The following CEP112 variants were observed in gnomAD, a reference collection of about 807,000 sequenced individuals.
The protein encoded by CEP112 is centrosomal protein 112.
In CEP112, 127 loss-of-function variants were observed where a neutral mutation model predicts 153.0. The observed-to-expected ratio is 0.83, with a 90% CI of 0.72 to 0.96. CEP112 has a LOEUF of 0.96. CEP112 is among the 40% of genes least tolerant of loss of function. CEP112 has a pLI of 0.00. For synonymous variants in CEP112, 358 were observed against 374.4 expected (o/e 0.96, Z 0.51); for missense variants, 1,089 against 1,101.2 (o/e 0.99, Z 0.16).
At chr17:65,848,437 A>G (rs1236535215) in intron 21 of CEP112, among the ~76,000 whole-genome samples, 1 of 151,988 alleles carries the variant, frequency 6.6e-6, no homozygotes, top group Non-Finnish European at 1.5e-5. Context: ...ATAAAAATGC[A>G]TTCTTCTCAT....
chr17:66,146,432 A>G (rs2070920694), intron 4 of CEP112, among the ~76,000 whole-genome samples: 1 of 152,246 alleles, frequency 6.6e-6, no homozygotes, highest in South Asian at 2.1e-4. Context: ...TAACATCTGT[A>G]GGATCTGTGT....
intron 6 of CEP112, among the ~76,000 whole-genome samples, chr17:66,102,661 G>A (rs563312527): frequency 2.4e-4 from 37 of 151,792 alleles, no homozygotes; most frequent in African/African-American, 8.9e-4. Flanking sequence ...AGTCGGGTGT[G>A]GTGGCGGGCA....
chr17:66,187,280 A>C (rs1408395690), intron 1 of CEP112, among the ~76,000 whole-genome samples: 1 of 151,944 alleles, frequency 6.6e-6, no homozygotes, highest in African/African-American at 2.4e-5. Flanking sequence ...CCTGTTTAAA[A>C]ATCTCCCCTC....
intron 21 of CEP112, among the ~76,000 whole-genome samples, chr17:65,821,483 C>CA (rs1568066334): frequency 8.8e-6 from 1 of 113,818 alleles, no homozygotes; most frequent in Non-Finnish European, 1.7e-5. Flanking sequence ...AATTATTAAA[C>CA]TTATATATAT....
intron 4 of CEP112, among the ~76,000 whole-genome samples, chr17:66,149,842 C>T (rs2071090558): frequency 2.7e-5 from 3 of 110,292 alleles, no homozygotes; most frequent in Admixed American, 9.2e-5. Context: ...TGTTCTTTTT[C>T]TAGTTCCTTA....
chr17:66,080,807 A>G (rs2067685275), intron 8 of CEP112, among the ~76,000 whole-genome samples: 1 of 152,252 alleles, frequency 6.6e-6, no homozygotes, highest in African/African-American at 2.4e-5. Context: ...TGTGGCACAT[A>G]TACACCATGG....
chr17:65,947,328 C>T (rs1340196334), intron 18 of CEP112, among the ~76,000 whole-genome samples: 1 of 152,040 alleles, frequency 6.6e-6, no homozygotes, highest in East Asian at 1.9e-4. Flanking sequence ...CCAGAATCTA[C>T]AACAGTAGCT....
chr17:65,693,788 C>T (rs1242755217), intron 23 of CEP112, among the ~76,000 whole-genome samples: 1 of 152,126 alleles, frequency 6.6e-6, no homozygotes, highest in African/African-American at 2.4e-5. Context: ...AATCTTAACC[C>T]CCAAGGTTAT....
intron 21 of CEP112, among the ~76,000 whole-genome samples, chr17:65,818,845 T>A (rs1006881563): frequency 6.6e-6 from 1 of 151,910 alleles, no homozygotes; most frequent in Non-Finnish European, 1.5e-5. Flanking sequence ...CTTCTGGTGT[T>A]CAGATTGACT....
At chr17:66,099,407 G>A (rs2068471832) in intron 6 of CEP112, among the ~76,000 whole-genome samples, 1 of 151,634 alleles carries the variant, frequency 6.6e-6, no homozygotes, top group Non-Finnish European at 1.5e-5. Context: ...AGGAGGCTGA[G>A]GCAGGAGAAC....
At chr17:65,904,950 A>G (rs943673499) in intron 19 of CEP112, among the ~76,000 whole-genome samples, 4 of 152,178 alleles carry the variant, frequency 2.6e-5, no homozygotes, top group African/African-American at 9.7e-5. Flanking sequence ...ACAAAAATTA[A>G]CTCAAGATGG....
chr17:66,024,538 C>A, intron 16 of CEP112, among the ~76,000 whole-genome samples: 1 of 150,822 alleles, frequency 6.6e-6, no homozygotes, highest in Non-Finnish European at 1.5e-5. Context: ...AGCTGAGAAC[C>A]AAATCAAGAA....
intron 24 of CEP112, among the ~76,000 whole-genome samples, chr17:65,653,650 G>A (rs1376406052): frequency 1.3e-5 from 2 of 152,212 alleles, no homozygotes; most frequent in African/African-American, 4.8e-5. Flanking sequence ...GGCTTGCTGG[G>A]AGGGATCAGA....
chr17:66,026,697 T>C (rs757650582), intron 16 of CEP112, among the ~76,000 whole-genome samples: 1 of 152,204 alleles, frequency 6.6e-6, no homozygotes, highest in Non-Finnish European at 1.5e-5. Context: ...TAAAATGGTG[T>C]AGTATTTGCA....
intron 17 of CEP112, among the ~76,000 whole-genome samples, chr17:65,998,018 G>GA (rs1248948961): frequency 6.6e-6 from 1 of 152,008 alleles, no homozygotes; most frequent in Admixed American, 6.5e-5. Flanking sequence ...GATCTTGTCA[G>GA]AAAAAAACAA....
chr17:65,859,736 C>A (rs948311344), intron 20 of CEP112, among the ~76,000 whole-genome samples: 1 of 149,582 alleles, frequency 6.7e-6, no homozygotes, highest in Admixed American at 6.6e-5. Context: ...GGGCCAGGTG[C>A]GGTGGCTCAT....
At chr17:65,661,978 A>T (rs924776427) in intron 24 of CEP112, among the ~76,000 whole-genome samples, 12 of 151,618 alleles carry the variant, frequency 7.9e-5, no homozygotes, top group South Asian at 2.1e-4. Flanking sequence ...TTATTAAAAA[A>T]TTTTTTTTGA....
At chr17:66,108,386 AT>A (rs1416564509) in intron 6 of CEP112, among the ~76,000 whole-genome samples, 2 of 152,064 alleles carry the variant, frequency 1.3e-5, no homozygotes, top group African/African-American at 4.8e-5. Context: ...GGGAGAAAAT[AT>A]TTGCAAAGGA....
chr17:65,679,041 A>G (rs1292752874), intron 24 of CEP112, among the ~76,000 whole-genome samples: 1 of 151,060 alleles, frequency 6.6e-6, no homozygotes, highest in Non-Finnish European at 1.5e-5. Flanking sequence ...TGCCACCAAA[A>G]TCTATTAGAA....
Sources: gnomAD v4.1 joint callset for allele counts (sites outside exome capture counted in the v4.1 genomes callset) on GRCh38, gnomAD v4.1.1 for gene constraint, MANE v1.5 for transcripts, NCBI Gene and HGNC (gene_info 2026-07-23, HGNC 2026-07-21) for gene names.